Variants in PCDH15 observed in about 807,000 individuals in gnomAD.
The protein encoded by PCDH15 is protocadherin related 15.
In PCDH15, 129 loss-of-function variants were observed where a neutral mutation model predicts 178.5. The observed-to-expected ratio is 0.72, with a 90% CI of 0.63 to 0.84. PCDH15 has a LOEUF of 0.84. Ranked by LOEUF, PCDH15 falls within the 40% of genes least tolerant of loss-of-function variation. The pLI is 0.00. For missense variants in PCDH15, 2,230 were observed against 2,099.9 expected, an observed-to-expected ratio of 1.06 and a Z score of -1.21; for synonymous variants, 800 against 732.0, an observed-to-expected ratio of 1.09 and a Z score of -1.50.
intron 2 of PCDH15, among the ~76,000 whole-genome samples, chr10:55,482,025 C>A (rs1840192237): frequency 6.6e-6 from 1 of 151,782 alleles, no homozygotes; most frequent in African/African-American, 2.4e-5. Context: ...GTATTAGGTG[C>A]AAATATATTT....
intron 3 of PCDH15, among the ~76,000 whole-genome samples, chr10:54,506,102 G>A (rs1427412717): frequency 3.9e-5 from 6 of 151,962 alleles, no homozygotes; most frequent in Admixed American, 3.9e-4. Context: ...TGTATCAAAT[G>A]CACAGTTCAT....
chr10:55,343,443 A>G (rs995942661), intron 2 of PCDH15, among the ~76,000 whole-genome samples: 4 of 151,978 alleles, frequency 2.6e-5, no homozygotes. Context: ...CCTCTACCAA[A>G]TATCTTTCTC....
intron 3 of PCDH15, among the ~76,000 whole-genome samples, chr10:54,806,904 T>C (rs1440521426): frequency 1.3e-5 from 2 of 152,178 alleles, no homozygotes; most frequent in Non-Finnish European, 2.9e-5. Flanking sequence ...GGCTGATTGC[T>C]TTTTCAAGGC....
chr10:54,939,736 A>G (rs1272793903), intron 2 of PCDH15, among the ~76,000 whole-genome samples: 1 of 152,122 alleles, frequency 6.6e-6, no homozygotes, highest in Non-Finnish European at 1.5e-5. Context: ...AGATTAAGGC[A>G]CCGACAAATA....
intron 1 of PCDH15, among the ~76,000 whole-genome samples, chr10:54,734,619 T>C (rs931592731): frequency 6.6e-6 from 1 of 152,030 alleles, no homozygotes; most frequent in African/African-American, 2.4e-5. Flanking sequence ...ATATTGCCCT[T>C]ATTCATAATG....
chr10:54,531,128 G>GA (rs2083874202), intron 2 of PCDH15, among the ~76,000 whole-genome samples: 1 of 152,170 alleles, frequency 6.6e-6, no homozygotes, highest in African/African-American at 2.4e-5. Context: ...TCTGCCACAG[G>GA]AAAGTCAGGT....
intron 5 of PCDH15, among the ~76,000 whole-genome samples, chr10:54,347,615 C>T (rs942572927): frequency 6.6e-6 from 1 of 151,904 alleles, no homozygotes; most frequent in African/African-American, 2.4e-5. Context: ...TCACATTTTA[C>T]AAGGATCCCT....
intron 9 of PCDH15, among the ~76,000 whole-genome samples, chr10:54,223,541 T>C (rs1206416819): frequency 6.9e-6 from 1 of 145,266 alleles, no homozygotes; most frequent in African/African-American, 2.5e-5. Context: ...CTTTTAATTG[T>C]CTTTTGCTTC....
chr10:54,266,140 G>A (rs1273736688), intron 8 of PCDH15, among the ~76,000 whole-genome samples: 1 of 126,222 alleles, frequency 7.9e-6, no homozygotes. Context: ...CTAAAACGCA[G>A]ACACAAACAC....
At chr10:55,210,597 T>C (rs887476740) in intron 1 of PCDH15, among the ~76,000 whole-genome samples, 1 of 145,420 alleles carries the variant, frequency 6.9e-6, no homozygotes, top group Non-Finnish European at 1.5e-5. Context: ...GCTCTCACGA[T>C]TTTTTTTTCT....
At chr10:55,418,402 T>C (rs977800826) in intron 2 of PCDH15, among the ~76,000 whole-genome samples, 2 of 151,766 alleles carry the variant, frequency 1.3e-5, no homozygotes, top group Non-Finnish European at 1.5e-5. Flanking sequence ...TACTGCCTTA[T>C]GTGCGTAGTG....
intron 16 of PCDH15, among the ~76,000 whole-genome samples, chr10:54,088,890 T>G (rs1018744199): frequency 1.3e-5 from 2 of 152,116 alleles, no homozygotes; most frequent in South Asian, 4.1e-4. Context: ...GGTGCTTATA[T>G]ATCTATCTTT....
At chr10:54,118,469 G>C (rs1455556588) in intron 15 of PCDH15, among the ~76,000 whole-genome samples, 1 of 152,032 alleles carries the variant, frequency 6.6e-6, no homozygotes, top group Non-Finnish European at 1.5e-5. Flanking sequence ...GACCGTCCTG[G>C]CTAACACAGT....
chr10:55,192,266 A>AT (rs1223615791), intron 1 of PCDH15, among the ~76,000 whole-genome samples: 2 of 151,832 alleles, frequency 1.3e-5, no homozygotes, highest in Admixed American at 1.3e-4. Context: ...CTGGGGGGTT[A>AT]TATACAGTGC....
intron 2 of PCDH15, among the ~76,000 whole-genome samples, chr10:55,145,660 A>G (rs1838487216): frequency 1.3e-5 from 2 of 152,004 alleles, no homozygotes; most frequent in Admixed American, 1.3e-4. Flanking sequence ...TGTTTATATC[A>G]TTAGTCATAT....
intron 2 of PCDH15, among the ~76,000 whole-genome samples, chr10:55,547,639 A>G (rs1330620185): frequency 1.3e-5 from 2 of 152,132 alleles, no homozygotes; most frequent in Non-Finnish European, 2.9e-5. Context: ...TCTTCCACTG[A>G]GATAAGTAGC....
At chr10:53,947,458 C>G (rs2086667082) in intron 23 of PCDH15, among the ~76,000 whole-genome samples, 1 of 151,818 alleles carries the variant, frequency 6.6e-6, no homozygotes, top group African/African-American at 2.4e-5. Context: ...TTTATTTTGA[C>G]ATGTTTGAGT....
intron 3 of PCDH15, among the ~76,000 whole-genome samples, chr10:54,464,376 G>A (rs1158647697): frequency 6.6e-6 from 1 of 152,040 alleles, no homozygotes; most frequent in Non-Finnish European, 1.5e-5. Context: ...ATAAATAAAT[G>A]TGATTGACAT....
chr10:54,993,326 G>T (rs1778598764), intron 2 of PCDH15, among the ~76,000 whole-genome samples: 1 of 152,202 alleles, frequency 6.6e-6, no homozygotes, highest in South Asian at 2.1e-4. Flanking sequence ...CTGAGGTTGG[G>T]TGTGAGAGTA....
Sources: allele counts gnomAD v4.1 joint callset (sites outside exome capture counted in the v4.1 genomes callset), GRCh38; gene constraint gnomAD v4.1.1; transcripts MANE v1.5; gene names NCBI Gene and HGNC (gene_info 2026-07-23, HGNC 2026-07-21).